PASD1: variants seen among roughly 807,000 people sequenced by gnomAD.
PASD1 encodes circadian clock protein PASD1.
A neutral mutation model predicts 58.8 loss-of-function variants in PASD1; 13 were observed. That is an observed-to-expected ratio of 0.22 (90% CI 0.14 to 0.35). The LOEUF (loss-of-function observed/expected upper bound fraction) is 0.35. PASD1 is among the 10% of genes least tolerant of loss of function. The pLI, the probability that PASD1 is intolerant of heterozygous loss-of-function variation, is 1.00. For missense variants in PASD1, 734 were observed against 568.3 expected, an observed-to-expected ratio of 1.29 and a Z score of -2.96; for synonymous variants, 236 against 216.7, an observed-to-expected ratio of 1.09 and a Z score of -0.78.
chrX:151,672,962 C>T (rs1275036852), intron 14 of PASD1: 1 of 274,759 alleles, frequency 3.6e-6, no homozygotes, highest in African/African-American at 2.7e-5. Flanking sequence ...TGGCTGGATT[C>T]CCCAAGCCCA....
chrX:151,670,287 C>T (rs2124318088), intron 11 of PASD1, among the ~76,000 whole-genome samples: 1 of 111,914 alleles, frequency 8.9e-6, no homozygotes, highest in Non-Finnish European at 1.9e-5. Flanking sequence ...TTGTAGAACA[C>T]ATCTTCTAGC....
rs941576432 is a variant in PASD1, at chrX:151,659,929, A to T, written c.841+93A>T. ...GTTTTTCAAATGAATATAATGCTCT[A>T]TAATACTGTGAAATCCCAGAGTGAA... On this transcript the variant is annotated intron_variant, in intron 10 of 15. Coordinates refer to ENST00000370357, the MANE Select transcript of PASD1 (RefSeq NM_173493.3). The T allele has an allele frequency of 1.4e-5, 12 of 837,805 alleles. No individual in the cohort carries two copies. The East Asian group carries it at 4.2e-4, about 30-fold the overall frequency. 69.0% of individuals were successfully genotyped at this position (837,805 alleles called of 1,213,427 possible). A position where few individuals can be genotyped will look rare whatever the true frequency, so the allele number is the denominator to read the frequency against.
intron 1 of PASD1, among the ~76,000 whole-genome samples, chrX:151,564,866 G>A (rs947135452): frequency 9.0e-6 from 1 of 111,543 alleles, no homozygotes; most frequent in African/African-American, 3.3e-5. Flanking sequence ...GCAAGACCCT[G>A]TATTTTCAAT....
chrX:151,565,962 T>C (rs73626784), intron 1 of PASD1, among the ~76,000 whole-genome samples: 2,157 of 112,358 alleles, frequency 0.019, 45 homozygotes, highest in African/African-American at 0.064. Flanking sequence ...GAAATCCTCC[T>C]ACTCTTAACT....
At chrX:151,643,680 A>G (rs939920836) in intron 8 of PASD1, among the ~76,000 whole-genome samples, 1 of 112,148 alleles carries the variant, frequency 8.9e-6, no homozygotes, top group African/African-American at 3.2e-5. Flanking sequence ...AAACAAAACT[A>G]GAGATTATTT....
chrX:151,622,586 T>TACACACACACACACACAC (rs202044764), intron 6 of PASD1, among the ~76,000 whole-genome samples: 46 of 96,768 alleles, frequency 4.8e-4, no homozygotes, highest in African/African-American at 1.5e-3. Context: ...GTGCACAGAT[T>TACACACACACACACACAC]ACACACACAC....
chrX:151,672,138 T>C (rs1443772492), intron 13 of PASD1, 45 bp from the exon 14 acceptor site: 1 of 1,123,079 alleles, frequency 8.9e-7, no homozygotes, highest in Admixed American at 3.6e-5. Flanking sequence ...TCTGGGAGGC[T>C]CTTGCAGACA....
chrX:151,644,492 G>A (rs1201231082), intron 8 of PASD1, among the ~76,000 whole-genome samples: 1 of 112,115 alleles, frequency 8.9e-6, no homozygotes, highest in Admixed American at 9.5e-5. Flanking sequence ...CAAAGGAATA[G>A]AGAAATGATA....
chrX:151,618,204 T>C (rs753058531), intron 4 of PASD1, among the ~76,000 whole-genome samples: 1 of 111,825 alleles, frequency 8.9e-6, no homozygotes, highest in East Asian at 2.8e-4. Context: ...CCAAGCTTGA[T>C]TGAGACAGCA....
chrX:151,670,933 C>T lies in PASD1; in HGVS notation c.1072-105C>T. On this transcript the variant is annotated intron_variant, in intron 11 of 15. Coordinates refer to ENST00000370357, the MANE Select transcript of PASD1 (RefSeq NM_173493.3). ...AATGAAATCAGGATTTGAGAGCTAC[C>T]ATTTGCATTCTCAGTCTTTCAGAAA... The T allele has an allele frequency of 3.4e-6, 3 of 887,926 alleles. No homozygotes were observed. In the South Asian group the frequency reaches 9.1e-5, roughly 27 times the overall value. 73.2% of individuals were successfully genotyped at this position (887,926 alleles called of 1,213,427 possible).
intron 1 of PASD1, among the ~76,000 whole-genome samples, chrX:151,576,022 C>T (rs999728581): frequency 2.1e-4 from 9 of 41,933 alleles, no homozygotes; most frequent in Admixed American, 3.6e-4. Flanking sequence ...TGCCACCATA[C>T]CTAATTTTTT....
chrX:151,672,810 T>A, intron 14 of PASD1, 149 bp downstream of exon 14: 2 of 950,052 alleles, frequency 2.1e-6, no homozygotes, highest in Non-Finnish European at 2.8e-6. Flanking sequence ...ACTTGCCTTC[T>A]CTGTGGCCAC....
At chrX:151,598,192 T>A (rs1024208899) in intron 1 of PASD1, among the ~76,000 whole-genome samples, 2 of 112,446 alleles carry the variant, frequency 1.8e-5, no homozygotes, top group African/African-American at 6.5e-5. Flanking sequence ...GAGTATTTTC[T>A]GCTTTTCAGA....
chrX:151,604,320 C>A (rs112012706), intron 2 of PASD1, among the ~76,000 whole-genome samples: 1,148 of 111,411 alleles, frequency 0.01, 18 homozygotes, highest in African/African-American at 0.036. Flanking sequence ...ACTTACCTGG[C>A]AGATTATGGA....
intron 4 of PASD1, among the ~76,000 whole-genome samples, chrX:151,614,612 T>G (rs138022701): frequency 0.01 from 1,137 of 112,302 alleles, 18 homozygotes; most frequent in African/African-American, 0.035. Flanking sequence ...ATATCTCCGT[T>G]GTTGTTTTCA....
At chrX:151,654,513 A>G (rs1387835038) in intron 9 of PASD1, among the ~76,000 whole-genome samples, 1 of 111,977 alleles carries the variant, frequency 8.9e-6, no homozygotes, top group Non-Finnish European at 1.9e-5. Context: ...TAGGGGAAAA[A>G]AAGGAGGAAT....
rs1410461310 is a variant in PASD1 at position 151,602,760 on chromosome X, A to G, written c.28+1179A>G. 2.7e-5 allele frequency among the ~76,000 whole-genome samples: 3 copies of G among 111,341 alleles called. No homozygotes were observed. The East Asian group carries it at 8.5e-4, about 31-fold the overall frequency. ...AAAAGCACTTCATGTTTTACTCAGC[A>G]TAAAATACCAACTTCTTACCATATA... On this transcript the variant is annotated intron_variant, in intron 2 of 15. Coordinates refer to ENST00000370357, the MANE Select transcript of PASD1 (RefSeq NM_173493.3).
rs36090021 is a variant in PASD1, at chrX:151,611,400, G to A, written c.118-264G>A. On this transcript the variant is annotated intron_variant, in intron 3 of 15. Transcript: ENST00000370357. ...GAAATGAATCTTCTTAGCTTGCATT[G>A]GAGAATTTCATGTTAATTGGGTGTA... is the stretch of plus-strand genomic sequence containing the variant. Among the ~76,000 whole-genome samples, 42,515 of 110,545 alleles carry A rather than the reference G, an allele frequency of 0.38. 6,152 individuals carry two copies. The highest frequency in any genetic ancestry group is 0.44 in the African/African-American group (13,474 of 30,391).
chrX:151,603,415 T>C (rs1182570122), intron 2 of PASD1, among the ~76,000 whole-genome samples: 1 of 112,364 alleles, frequency 8.9e-6, no homozygotes, highest in Non-Finnish European at 1.9e-5. Flanking sequence ...CCTTTATGAT[T>C]TATTTATAAA....
Sources: allele counts gnomAD v4.1 joint callset (sites outside exome capture counted in the v4.1 genomes callset), GRCh38; gene constraint gnomAD v4.1.1; transcripts MANE v1.5; gene names NCBI Gene and HGNC (gene_info 2026-07-23, HGNC 2026-07-21).